OR51B5: variants seen among roughly 807,000 people sequenced by gnomAD.
The protein encoded by OR51B5 is olfactory receptor 51B5.
For missense variants in OR51B5, 456 were observed against 374.6 expected (o/e 1.22, Z -1.79); for synonymous variants, 186 against 144.8 (o/e 1.28, Z -2.04).
chr11:5,484,440 G>T (rs1851471629), intron 1 of OR51B5, among the ~76,000 whole-genome samples: 1 of 152,164 alleles, frequency 6.6e-6, no homozygotes, highest in African/African-American at 2.4e-5. Flanking sequence ...GAATAGGCCA[G>T]AAAGAAAGGA....
chr11:5,382,558 G>A (rs1031100249), intron 1 of OR51B5, among the ~76,000 whole-genome samples: 1 of 152,206 alleles, frequency 6.6e-6, no homozygotes, highest in Non-Finnish European at 1.5e-5. Context: ...TAGGATCCCA[G>A]TGAAATAGGC....
chr11:5,490,779 T>C (rs1277632404), intron 1 of OR51B5, among the ~76,000 whole-genome samples: 1 of 152,224 alleles, frequency 6.6e-6, no homozygotes, highest in Non-Finnish European at 1.5e-5. Context: ...GACTTCCTTA[T>C]CTACTAGCTG....
At chr11:5,375,288 G>C (rs915339418) in intron 1 of OR51B5, among the ~76,000 whole-genome samples, 2 of 151,494 alleles carry the variant, frequency 1.3e-5, no homozygotes, top group Non-Finnish European at 2.9e-5. Context: ...AATGCTGAGA[G>C]ATTTTGTCAT....
chr11:5,350,676 T>A (rs1437699783), intron 1 of OR51B5, among the ~76,000 whole-genome samples: 1 of 152,206 alleles, frequency 6.6e-6, no homozygotes, highest in Admixed American at 6.5e-5. Flanking sequence ...AGTAGTTTGG[T>A]GCTATTATCA....
chr11:5,449,688 G>A (rs1850815676), intron 1 of OR51B5, among the ~76,000 whole-genome samples: 1 of 152,168 alleles, frequency 6.6e-6, no homozygotes. Context: ...AATTCAGAGA[G>A]GGAAGCAGGA....
At chr11:5,501,902 G>A (rs972568975) in intron 1 of OR51B5, among the ~76,000 whole-genome samples, 6 of 121,938 alleles carry the variant, frequency 4.9e-5, no homozygotes, top group African/African-American at 1.5e-4. Context: ...TTCTTCTACT[G>A]CTATCCCTCC....
intron 1 of OR51B5, among the ~76,000 whole-genome samples, chr11:5,364,199 G>A: frequency 6.6e-6 from 1 of 152,140 alleles, no homozygotes; most frequent in Non-Finnish European, 1.5e-5. Flanking sequence ...CCTAAATTTT[G>A]ACAAACTTTA....
intron 1 of OR51B5, among the ~76,000 whole-genome samples, chr11:5,496,232 G>C (rs749029103): frequency 6.7e-6 from 1 of 150,344 alleles, no homozygotes; most frequent in Admixed American, 6.7e-5. Flanking sequence ...TGTTCCCTAG[G>C]AGTTCTTCTC....
At chr11:5,386,971 A>G in intron 1 of OR51B5, among the ~76,000 whole-genome samples, 1 of 152,130 alleles carries the variant, frequency 6.6e-6, no homozygotes, top group African/African-American at 2.4e-5. Flanking sequence ...TTTCATCAGT[A>G]TCCTTTTGGA....
At chr11:5,441,494 G>T in intron 1 of OR51B5, 2 of 1,612,022 alleles carry the variant, frequency 1.2e-6, no homozygotes, top group Non-Finnish European at 1.7e-6. Context: ...GCTGGAAGGG[G>T]GTGCCATTGA....
chr11:5,379,677 G>T (rs1267953646), intron 1 of OR51B5, among the ~76,000 whole-genome samples: 2 of 110,518 alleles, frequency 1.8e-5, no homozygotes, highest in Non-Finnish European at 2.0e-5. Context: ...GTTAGCTAAA[G>T]ATATGAATTA....
chr11:5,434,372 G>A (rs965182512), intron 1 of OR51B5, among the ~76,000 whole-genome samples: 1 of 152,108 alleles, frequency 6.6e-6, no homozygotes, highest in Non-Finnish European at 1.5e-5. Flanking sequence ...TCATCCACTA[G>A]ACCACTCAGC....
chr11:5,494,738 T>C (rs1851624600), intron 1 of OR51B5, among the ~76,000 whole-genome samples: 1 of 152,186 alleles, frequency 6.6e-6, no homozygotes, highest in African/African-American at 2.4e-5. Flanking sequence ...AAGATTTATT[T>C]TGAAGATTAA....
intron 1 of OR51B5, chr11:5,351,522 G>A (rs1188254921): frequency 1.2e-6 from 2 of 1,611,958 alleles, no homozygotes; most frequent in South Asian, 1.1e-5. Flanking sequence ...GGCTCAATAA[G>A]TCTGCTTCCA....
chr11:5,454,227 G>A (rs758795474), intron 1 of OR51B5: 23 of 1,614,022 alleles, frequency 1.4e-5, no homozygotes, highest in African/African-American at 2.7e-5. Flanking sequence ...ACATATCCTG[G>A]CTGTACTTGC....
intron 1 of OR51B5, among the ~76,000 whole-genome samples, chr11:5,458,022 C>T (rs1850986816): frequency 6.6e-6 from 1 of 152,110 alleles, no homozygotes. Flanking sequence ...GAGATTTCAT[C>T]ATGAAATATT....
chr11:5,457,706 T>C (rs1381138338), intron 1 of OR51B5, among the ~76,000 whole-genome samples: 1 of 152,240 alleles, frequency 6.6e-6, no homozygotes, highest in African/African-American at 2.4e-5. Context: ...TCATTTGCAT[T>C]TCTCTAATGA....
chr11:5,440,721 C>G (rs186096167), intron 1 of OR51B5: 5 of 1,613,884 alleles, frequency 3.1e-6, no homozygotes, highest in East Asian at 2.2e-5. Context: ...TTTCCAGAAG[C>G]GGTGAATCAT....
At position 5,379,587 on chromosome 11, in the gene OR51B5, A is replaced by T. The variant is rs184379569; in HGVS notation, n.85-32677T>A. Reference sequence around the variant, plus strand: ...GTCTTTTTCTATGTCTGCTTTTAAGATTGGCATACATTTGTTGTTTATGCC... The same window carrying T: ...GTCTTTTTCTATGTCTGCTTTTAAGTTTGGCATACATTTGTTGTTTATGCC... On this transcript the variant is annotated intron_variant and non_coding_transcript_variant, in intron 1 of 4. Transcript: ENST00000415970. Among the ~76,000 whole-genome samples the T allele has an allele frequency of 2.9e-3, 445 of 152,194 alleles. 1 individual carries two copies. Among genetic ancestry groups the T allele is most frequent in the African/African-American group, 0.01 (421 of 41,522 alleles).
Sources: gnomAD v4.1 joint callset for allele counts (sites outside exome capture counted in the v4.1 genomes callset) on GRCh38, gnomAD v4.1.1 for gene constraint, MANE v1.5 for transcripts, NCBI Gene and HGNC (gene_info 2026-07-23, HGNC 2026-07-21) for gene names.